SDC2: variants seen among roughly 807,000 people sequenced by gnomAD.
SDC2 encodes the protein syndecan-2.
A neutral mutation model predicts 22.2 loss-of-function variants in SDC2; 13 were observed. The observed-to-expected ratio is 0.59, with a 90% CI of 0.38 to 0.93. The LOEUF (loss-of-function observed/expected upper bound fraction) is 0.93, where lower values mean the gene tolerates loss of function less well. Among genes scored for constraint, SDC2 ranks in the 40% least tolerant of loss-of-function variants. The pLI is 0.00. For synonymous variants in SDC2, 94 were observed against 92.8 expected (o/e 1.01, Z -0.07); for missense variants, 235 against 246.8 (o/e 0.95, Z 0.32).
At chr8:96,608,581 G>A (rs1815123766) in intron 4 of SDC2, 111 bp downstream of exon 4, 1 of 940,158 alleles carries the variant, frequency 1.1e-6, no homozygotes. Context: ...GCTGAAAGCA[G>A]TCTTGTGGGT....
chr8:96,549,838 G>A (rs1309111779), intron 1 of SDC2, among the ~76,000 whole-genome samples: 2 of 152,096 alleles, frequency 1.3e-5, no homozygotes, highest in Non-Finnish European at 2.9e-5. Context: ...TTGACTCAGA[G>A]CCTAGAAACT....
chr8:96,508,201 C>T (rs2130435132), intron 1 of SDC2, among the ~76,000 whole-genome samples: 1 of 152,002 alleles, frequency 6.6e-6, no homozygotes, highest in East Asian at 1.9e-4. Context: ...GAGGTTGAGG[C>T]AGGAGAATGG....
intron 1 of SDC2, among the ~76,000 whole-genome samples, chr8:96,555,160 T>G (rs1814089469): frequency 6.6e-6 from 1 of 152,016 alleles, no homozygotes; most frequent in Non-Finnish European, 1.5e-5. Context: ...GATGGGATCT[T>G]TTGCCAGTTT....
chr8:96,576,384 G>GTTTTTTTTTTTT (rs1236267155), intron 1 of SDC2, among the ~76,000 whole-genome samples: 2 of 50,994 alleles, frequency 3.9e-5, no homozygotes, highest in Admixed American at 4.4e-4. Flanking sequence ...GTTTTGTTTT[G>GTTTTTTTTTTTT]TTTTTTTTTA....
At chr8:96,564,811 C>T (rs986692063) in intron 1 of SDC2, among the ~76,000 whole-genome samples, 1 of 152,070 alleles carries the variant, frequency 6.6e-6, no homozygotes, top group African/African-American at 2.4e-5. Flanking sequence ...TCTGCCGTGC[C>T]AGTGCTTTGG....
intron 1 of SDC2, among the ~76,000 whole-genome samples, chr8:96,545,483 T>C (rs1813916618): frequency 6.6e-6 from 1 of 152,090 alleles, no homozygotes; most frequent in Admixed American, 6.5e-5. Context: ...CCTTTCAAAA[T>C]GAGTAAGGTT....
At chr8:96,525,501 G>C (rs897364188) in intron 1 of SDC2, among the ~76,000 whole-genome samples, 1 of 152,118 alleles carries the variant, frequency 6.6e-6, no homozygotes, top group African/African-American at 2.4e-5. Context: ...GTTGCTTGGG[G>C]GCATGGAGAA....
chr8:96,530,725 C>T (rs749424008), intron 1 of SDC2, among the ~76,000 whole-genome samples: 1 of 152,198 alleles, frequency 6.6e-6, no homozygotes, highest in African/African-American at 2.4e-5. Flanking sequence ...CCTTAACTTT[C>T]TGAGCATAGA....
At chr8:96,547,610 G>T (rs1209795419) in intron 1 of SDC2, among the ~76,000 whole-genome samples, 1 of 152,168 alleles carries the variant, frequency 6.6e-6, no homozygotes, top group Non-Finnish European at 1.5e-5. Flanking sequence ...GTATACCTGG[G>T]GAGTATATGT....
chr8:96,555,527 G>A lies in SDC2; in HGVS notation c.61-37953G>A, dbSNP rs1219517262. ...ATGATTCAAGTAGTTGCTGGAAGCC[G>A]CCAGGTCAAAGTGTGCAGAGAACAA... On this transcript the variant is annotated intron_variant, in intron 1 of 4. Transcript: ENST00000302190. Among the ~76,000 whole-genome samples, 6 of 152,102 alleles carry A rather than the reference G, an allele frequency of 3.9e-5. 1 individual carries two copies. In the South Asian group the frequency reaches 8.3e-4, roughly 21 times the overall value.
At chr8:96,601,183 T>C (rs1814975813) in intron 2 of SDC2, among the ~76,000 whole-genome samples, 1 of 152,124 alleles carries the variant, frequency 6.6e-6, no homozygotes, top group Admixed American at 6.5e-5. Flanking sequence ...GGAAGGCGAT[T>C]CTGAAGAGTG....
chr8:96,532,686 A>G (rs1399113044), intron 1 of SDC2, among the ~76,000 whole-genome samples: 1 of 152,022 alleles, frequency 6.6e-6, no homozygotes, highest in East Asian at 1.9e-4. Flanking sequence ...ACTGTGAGGG[A>G]AAGAGCAAGA....
Position 96,564,677 on chromosome 8 carries a change from A to C in SDC2, c.61-28803A>C, listed in dbSNP as rs539653505. Among the ~76,000 whole-genome samples the C allele has an allele frequency of 4.6e-5, 7 of 152,260 alleles. No individual in the cohort carries two copies. The East Asian group carries it at 7.7e-4, about 17-fold the overall frequency. On this transcript the variant is annotated intron_variant, in intron 1 of 4. Transcript: ENST00000302190. ...GGGCGTATTTTCTTGTTTTCCTTAC[A>C]CACCTGTAGACTTCTGATATCTGAC...
chr8:96,608,202 A>G, intron 3 of SDC2, 133 bp from the exon 4 acceptor site: 1 of 763,234 alleles, frequency 1.3e-6, no homozygotes, highest in Non-Finnish European at 2.1e-6. Flanking sequence ...ACATCACACA[A>G]GTGATTATTC....
intron 1 of SDC2, among the ~76,000 whole-genome samples, chr8:96,512,962 C>T (rs1005032765): frequency 6.6e-6 from 1 of 151,988 alleles, no homozygotes; most frequent in Non-Finnish European, 1.5e-5. Flanking sequence ...TTACCGTCTC[C>T]TTCTCAAGGT....
chr8:96,547,249 A>G (rs1045916785), intron 1 of SDC2, among the ~76,000 whole-genome samples: 7 of 152,208 alleles, frequency 4.6e-5, no homozygotes, highest in African/African-American at 1.4e-4. Flanking sequence ...ATGTTTACCT[A>G]CTGTTGAAAG....
chr8:96,609,044 C>G (rs9283934), intron 4 of SDC2, among the ~76,000 whole-genome samples: 4,679 of 151,776 alleles, frequency 0.031, 197 homozygotes, highest in African/African-American at 0.098. Context: ...ACTATGTTCT[C>G]TGTTGAAAAA....
chr8:96,582,637 G>A (rs979472032), intron 1 of SDC2, among the ~76,000 whole-genome samples: 3 of 152,178 alleles, frequency 2.0e-5, no homozygotes, highest in African/African-American at 7.2e-5. Flanking sequence ...CCTGTAATCA[G>A]CAGAAGGAGA....
chr8:96,611,281 C>CCTTTTTCTATT lies in SDC2; in HGVS notation c.*1733_*1734insCTTTTTCTATT, dbSNP rs1815171259. On this transcript the variant is annotated 3_prime_UTR_variant, in exon 5 of 5. Transcript: ENST00000302190. ...AACATTTCCTTTTTCTATTTTACCA[C>CCTTTTTCTATT]TAATTTTGTTTTAAACTGTGAGCCG... is the stretch of plus-strand genomic sequence containing the variant. 6.6e-6 allele frequency: 1 copy of CCTTTTTCTATT among 152,258 alleles called. No individual in the cohort carries two copies. Among genetic ancestry groups the CCTTTTTCTATT allele is most frequent in the African/African-American group, 2.4e-5 (1 of 41,412 alleles). The allele number at this position is 152,258 out of a possible 1,614,324, so 9.4% of individuals were successfully genotyped here. A position where few individuals can be genotyped will look rare whatever the true frequency, so the allele number is the denominator to read the frequency against.
Sources: allele counts gnomAD v4.1 joint callset (sites outside exome capture counted in the v4.1 genomes callset), GRCh38; gene constraint gnomAD v4.1.1; transcripts MANE v1.5; gene names NCBI Gene and HGNC (gene_info 2026-07-23, HGNC 2026-07-21).